TMEM260: variants seen among roughly 807,000 people sequenced by gnomAD.
TMEM260 encodes the protein protein O-mannosyl-transferase TMEM260.
Under a neutral mutation model 88.9 loss-of-function variants are expected in TMEM260, and 82 were observed. That is an observed-to-expected ratio of 0.92 (90% confidence interval 0.77 to 1.11). The LOEUF is 1.11. Ranked by LOEUF, TMEM260 falls within the 50% of genes least tolerant of loss-of-function variation. The pLI is 0.00. For synonymous variants in TMEM260, 314 were observed against 309.3 expected, an observed-to-expected ratio of 1.02 and a Z score of -0.16; for missense variants, 902 against 853.4, an observed-to-expected ratio of 1.06 and a Z score of -0.71.
Position 56,633,158 on chromosome 14 carries a change from G to T in TMEM260, c.1711G>T (p.Glu571Ter). The change falls in exon 13 of 16, where the codon GAA becomes TAA. Residue 571 changes from glutamate (E) to a stop codon, truncating the protein, a stop_gained. Coordinates refer to ENST00000261556, the MANE Select transcript of TMEM260 (RefSeq NM_017799.4). LOFTEE classifies it high-confidence loss of function. The part of the protein sequence containing the change: ...KLTKSIYNWT[E>*]EYGRFDPSSW... The stretch of plus-strand genomic sequence containing the variant: ...TACAAAAAGTATCTATAACTGGACC[G>T]AAGAATATGGAAGGTATGAACAGCA... 3 of 1,611,054 alleles carry T rather than the reference G, an allele frequency of 1.9e-6. No homozygotes were observed. Among genetic ancestry groups the T allele is most frequent in the Non-Finnish European group, 1.7e-6 (2 of 1,178,672 alleles).
intron 15 of TMEM260, among the ~76,000 whole-genome samples, chr14:56,637,835 G>A (rs1246177886): frequency 1.3e-5 from 2 of 149,144 alleles, no homozygotes; most frequent in Non-Finnish European, 3.0e-5. Context: ...ATAGTGTGTT[G>A]GAGACAACCA....
intron 1 of TMEM260, among the ~76,000 whole-genome samples, chr14:56,583,858 A>G (rs1255349466): frequency 6.6e-6 from 1 of 152,210 alleles, no homozygotes; most frequent in Non-Finnish European, 1.5e-5. Flanking sequence ...CATAGGTTTC[A>G]TGGATATAAG....
intron 1 of TMEM260, among the ~76,000 whole-genome samples, chr14:56,582,706 A>T (rs1161350425): frequency 6.6e-6 from 1 of 152,192 alleles, no homozygotes; most frequent in Non-Finnish European, 1.5e-5. Flanking sequence ...ATGCAGGTAG[A>T]CACAACTGAG....
At chr14:56,633,232 A>G in intron 13 of TMEM260, 61 bp downstream of exon 13, 1 of 1,399,374 alleles carries the variant, frequency 7.1e-7, no homozygotes, top group Non-Finnish European at 9.6e-7. Context: ...ACCCAAAAAA[A>G]CTACTACATT....
Position 56,638,975 on chromosome 14 carries a change from G to GTC in TMEM260, c.1869+2377_1869+2378insTC. Among the ~76,000 whole-genome samples, 3 of 152,186 alleles carry GTC rather than the reference G, an allele frequency of 2.0e-5. No individual in the cohort carries two copies. The South Asian group carries it at 6.2e-4, about 32-fold the overall frequency. On this transcript the variant is annotated intron_variant, in intron 15 of 15. Transcript: ENST00000261556. Reference sequence around the variant, plus strand: ...AGATATGGTACATGTGACTTAATAGGACATCTAAAATAAGTTGATAATGTG... The same window carrying GTC: ...AGATATGGTACATGTGACTTAATAGGTCACATCTAAAATAAGTTGATAATGTG...
chr14:56,601,726 A>G (rs1886587735), intron 3 of TMEM260, among the ~76,000 whole-genome samples: 1 of 152,078 alleles, frequency 6.6e-6, no homozygotes, highest in South Asian at 2.1e-4. Context: ...CACTGGATTC[A>G]TGGTTTCTTA....
chr14:56,617,349 C>A, intron 9 of TMEM260, 52 bp downstream of exon 9: 1 of 1,196,712 alleles, frequency 8.4e-7, no homozygotes, highest in African/African-American at 1.6e-5. Context: ...GAAGAATGTG[C>A]AAATTTGCAT....
At chr14:56,660,248 A>G in the TMEM260 span, among the ~76,000 whole-genome samples, 1 of 152,222 alleles carries the variant, frequency 6.6e-6, no homozygotes, top group African/African-American at 2.4e-5. Context: ...TTGGATGCTT[A>G]TTTACATTTA....
At chr14:56,624,707 A>G (rs1888135102) in intron 11 of TMEM260, among the ~76,000 whole-genome samples, 1 of 152,208 alleles carries the variant, frequency 6.6e-6, no homozygotes, top group Non-Finnish European at 1.5e-5. Context: ...AGGTGAGTAC[A>G]AAGTACTAGA....
At chr14:56,583,459 T>C (rs568127839) in intron 1 of TMEM260, among the ~76,000 whole-genome samples, 5 of 152,132 alleles carry the variant, frequency 3.3e-5, no homozygotes, top group Non-Finnish European at 7.4e-5. Context: ...TGTTAACCTC[T>C]GTGTGTATGG....
intron 11 of TMEM260, among the ~76,000 whole-genome samples, chr14:56,622,460 A>G (rs1446605360): frequency 6.6e-6 from 1 of 152,150 alleles, no homozygotes; most frequent in Non-Finnish European, 1.5e-5. Context: ...GAAATAAATC[A>G]TACTGTAGGT....
intron 3 of TMEM260, among the ~76,000 whole-genome samples, chr14:56,603,056 A>G (rs887521270): frequency 5.9e-5 from 9 of 152,202 alleles, no homozygotes; most frequent in Non-Finnish European, 1.5e-5. Flanking sequence ...AAATTCATCC[A>G]CACTACCAGT....
Position 56,647,546 on chromosome 14 carries a change from G to A in TMEM260, c.*49G>A, listed in dbSNP as rs1289162784. The A allele has an allele frequency of 2.0e-6, 3 of 1,530,616 alleles. No individual in the cohort carries two copies. Among genetic ancestry groups the A allele is most frequent in the South Asian group, 2.6e-5 (2 of 77,950 alleles). The allele number at this position is 1,530,616 out of a possible 1,614,324, so 94.8% of individuals were successfully genotyped here. A position where few individuals can be genotyped will look rare whatever the true frequency, so the allele number is the denominator to read the frequency against. Reference sequence around the variant, plus strand: ...CTCATCGTTCAGCTTCCAAAATTCTGAAGTCTGGAAGTTTTTCCTTCAAGA... The same window carrying A: ...CTCATCGTTCAGCTTCCAAAATTCTAAAGTCTGGAAGTTTTTCCTTCAAGA... On this transcript the variant is annotated 3_prime_UTR_variant, in exon 16 of 16. Transcript: ENST00000261556.
At chr14:56,587,118 G>GT (rs1184813977) in intron 3 of TMEM260, among the ~76,000 whole-genome samples, 1 of 151,676 alleles carries the variant, frequency 6.6e-6, no homozygotes. Context: ...GAGAAAAAGT[G>GT]TTTTTTGTTT....
chr14:56,603,726 A>G (rs781258263), intron 3 of TMEM260, 89 bp from the exon 4 acceptor site: 85 of 1,435,476 alleles, frequency 5.9e-5, no homozygotes, highest in Non-Finnish European at 8.0e-5. Flanking sequence ...GGTGACTATC[A>G]TAATTTCTGC....
At chr14:56,653,121 C>T (rs533117902), downstream of TMEM260, among the ~76,000 whole-genome samples, 61 of 152,164 alleles carry the variant, frequency 4.0e-4, 1 homozygote, top group Middle Eastern at 0.017. Flanking sequence ...TGGCGAAACC[C>T]CGTCTCTACT....
At chr14:56,599,545 A>G (rs1354348982) in intron 3 of TMEM260, among the ~76,000 whole-genome samples, 1 of 152,204 alleles carries the variant, frequency 6.6e-6, no homozygotes, top group Non-Finnish European at 1.5e-5. Context: ...TATATGTTAC[A>G]TGGCAAGTAA....
rs187922413 is a variant in TMEM260 at position 56,622,895 on chromosome 14, C to T, written c.1398+1193C>T. 1.2e-4 allele frequency among the ~76,000 whole-genome samples: 18 copies of T among 151,912 alleles called. No individual in the cohort carries two copies. The East Asian group carries it at 2.1e-3, about 18-fold the overall frequency. The stretch of plus-strand genomic sequence containing the variant: ...GCAGTTGCATTTATATCATGGATGC[C>T]GATTGATTAATTTGAACTTCAGTCT... On this transcript the variant is annotated intron_variant, in intron 11 of 15. Transcript: ENST00000261556.
At chr14:56,621,947 GAATT>G (rs1402578375) in intron 11 of TMEM260, among the ~76,000 whole-genome samples, 8 of 152,080 alleles carry the variant, frequency 5.3e-5, no homozygotes, top group Non-Finnish European at 1.2e-4. Flanking sequence ...AACGTTTTAA[GAATT>G]AATGTGTTTC....
Sources: allele counts gnomAD v4.1 joint callset (sites outside exome capture counted in the v4.1 genomes callset), GRCh38; gene constraint gnomAD v4.1.1; transcripts MANE v1.5; gene names NCBI Gene and HGNC (gene_info 2026-07-23, HGNC 2026-07-21).